Variants in TNR observed in about 807,000 individuals in gnomAD.
The protein encoded by TNR is tenascin-R.
A neutral mutation model predicts 150.4 loss-of-function variants in TNR; 45 were observed. The ratio of observed to expected loss-of-function variants is 0.30; its 90% CI spans 0.24 to 0.38. TNR has a LOEUF of 0.38. Among genes scored for constraint, TNR ranks in the 10% least tolerant of loss-of-function variants. The pLI is 1.00. For missense variants in TNR, 1,544 were observed against 1,759.1 expected, an observed-to-expected ratio of 0.88 and a Z score of 2.19; for synonymous variants, 687 against 678.4, an observed-to-expected ratio of 1.01 and a Z score of -0.20.
intron 1 of TNR, among the ~76,000 whole-genome samples, chr1:175,550,326 C>T (rs558310604): frequency 2.6e-5 from 4 of 152,196 alleles, no homozygotes; most frequent in Non-Finnish European, 5.9e-5. Flanking sequence ...AGCCAAACAA[C>T]TTTCCAACCC....
intron 1 of TNR, among the ~76,000 whole-genome samples, chr1:175,612,189 C>T (rs988447866): frequency 1.3e-5 from 2 of 152,150 alleles, no homozygotes; most frequent in African/African-American, 4.8e-5. Flanking sequence ...TCCACAGTCA[C>T]TCAGAGCACC....
chr1:175,473,055 A>G (rs1204027053), intron 2 of TNR, among the ~76,000 whole-genome samples: 2 of 152,220 alleles, frequency 1.3e-5, no homozygotes, highest in African/African-American at 2.4e-5. Flanking sequence ...GTGGTCCAGG[A>G]AGAAATGGCT....
chr1:175,650,770 C>CCCACCTCATTACTACCCCAT (rs1237094847), intron 1 of TNR, among the ~76,000 whole-genome samples: 8 of 29,698 alleles, frequency 2.7e-4, no homozygotes, highest in Non-Finnish European at 4.3e-4. Flanking sequence ...ACTCCTCCTC[C>CCCACCTCATTACTACCCCAT]CCGACCTCAT....
At chr1:175,696,298 T>C (rs1336347541) in intron 1 of TNR, among the ~76,000 whole-genome samples, 1 of 139,458 alleles carries the variant, frequency 7.2e-6, no homozygotes, top group Non-Finnish European at 1.5e-5. Context: ...CCCCCACAGG[T>C]AAATGGGCGG....
intron 2 of TNR, among the ~76,000 whole-genome samples, chr1:175,521,086 G>A (rs1320043809): frequency 6.6e-6 from 1 of 152,142 alleles, no homozygotes; most frequent in Admixed American, 6.5e-5. Flanking sequence ...TTAAAATTGG[G>A]GTGGGGATGA....
intron 1 of TNR, among the ~76,000 whole-genome samples, chr1:175,557,343 T>G (rs1425752689): frequency 6.6e-6 from 1 of 152,228 alleles, no homozygotes; most frequent in Non-Finnish European, 1.5e-5. Flanking sequence ...TTTGTGATAA[T>G]ATTACTCACA....
intron 8 of TNR, among the ~76,000 whole-genome samples, chr1:175,382,431 C>G (rs1652724596): frequency 6.6e-6 from 1 of 152,194 alleles, no homozygotes; most frequent in Non-Finnish European, 1.5e-5. Context: ...CAGCCAGATT[C>G]TTGGCTGAGG....
intron 18 of TNR, among the ~76,000 whole-genome samples, chr1:175,343,630 C>A (rs1241744199): frequency 2.6e-5 from 4 of 152,184 alleles, no homozygotes; most frequent in African/African-American, 9.7e-5. Flanking sequence ...ACAGTATAAT[C>A]ATCTGGCTCT....
At chr1:175,685,372 C>T (rs1666157965) in intron 1 of TNR, among the ~76,000 whole-genome samples, 1 of 152,198 alleles carries the variant, frequency 6.6e-6, no homozygotes, top group Non-Finnish European at 1.5e-5. Context: ...TTCACATATT[C>T]AAACAATACT....
chr1:175,393,337 A>G (rs1171244983), intron 6 of TNR, among the ~76,000 whole-genome samples: 1 of 152,246 alleles, frequency 6.6e-6, no homozygotes, highest in Non-Finnish European at 1.5e-5. Flanking sequence ...GATTGATGCC[A>G]TGCAAGCTGA....
rs181173905 is a variant in TNR, at chr1:175,356,436, C to T, written c.3001G>A (p.Gly1001Arg). 47 of 1,613,818 alleles carry T rather than the reference C, an allele frequency of 2.9e-5. No individual in the cohort carries two copies. In the East Asian group the frequency reaches 7.6e-4, roughly 26 times the overall value. Residue 1001 changes from glycine (G) to arginine (R), a missense_variant, in exon 16 of 23, where the codon GGA becomes AGA. Around this residue, in one of 2 missense-constraint regions of TNR, gnomAD observed 1,254 missense variants for 1,329.4 expected, o/e 0.94. Transcript: ENST00000367674. Reference sequence around the variant, plus strand: ...ACAAGCCGAAATTCCTCACTGACTCCGTCAACAAGGATGGTCTCTCCAGCG... The same window carrying T: ...ACAAGCCGAAATTCCTCACTGACTCTGTCAACAAGGATGGTCTCTCCAGCG... The part of the protein sequence containing the change: ...AVAGETILVD[G>R]VSEEFRLVDL...
chr1:175,406,015 C>T (rs957943661), intron 3 of TNR, among the ~76,000 whole-genome samples: 10 of 152,176 alleles, frequency 6.6e-5, no homozygotes, highest in Admixed American at 1.3e-4. Flanking sequence ...CGGGGAAGAA[C>T]TGCATTTAGA....
intron 1 of TNR, among the ~76,000 whole-genome samples, chr1:175,535,965 T>C (rs1249091176): frequency 6.6e-6 from 1 of 152,162 alleles, no homozygotes; most frequent in Non-Finnish European, 1.5e-5. Context: ...CCAATAGAAA[T>C]CACAGATATT....
intron 2 of TNR, among the ~76,000 whole-genome samples, chr1:175,490,375 G>T (rs1658193570): frequency 6.6e-6 from 1 of 152,178 alleles, no homozygotes; most frequent in African/African-American, 2.4e-5. Context: ...TGACAAATGG[G>T]ATCTAAGTAA....
chr1:175,381,718 A>T (rs1652688603), intron 8 of TNR, among the ~76,000 whole-genome samples: 1 of 152,196 alleles, frequency 6.6e-6, no homozygotes, highest in African/African-American at 2.4e-5. Context: ...GAGACTATGG[A>T]ATAGACATAT....
At chr1:175,638,106 G>T (rs987710164) in intron 1 of TNR, among the ~76,000 whole-genome samples, 1 of 152,154 alleles carries the variant, frequency 6.6e-6, no homozygotes, top group African/African-American at 2.4e-5. Context: ...TCAGGCTCTT[G>T]TGGAGCAGGA....
chr1:175,705,417 T>C (rs888328614), intron 1 of TNR, among the ~76,000 whole-genome samples: 35 of 152,188 alleles, frequency 2.3e-4, no homozygotes, highest in Admixed American at 1.2e-3. Context: ...CTAAGGCTTA[T>C]GAAATTAAAT....
intron 2 of TNR, among the ~76,000 whole-genome samples, chr1:175,505,435 C>T (rs1036976528): frequency 1.5e-4 from 23 of 152,228 alleles, no homozygotes; most frequent in Admixed American, 1.2e-3. Flanking sequence ...CCTCCGTTCC[C>T]CGGGGACGCA....
At chr1:175,663,358 G>A (rs1322272359) in intron 1 of TNR, among the ~76,000 whole-genome samples, 1 of 152,212 alleles carries the variant, frequency 6.6e-6, no homozygotes, top group Non-Finnish European at 1.5e-5. Flanking sequence ...TTTAGGAGCA[G>A]GGGGAAAACA....
Sources: gnomAD v4.1 joint callset for allele counts (sites outside exome capture counted in the v4.1 genomes callset) on GRCh38, gnomAD v4.1.1 for gene constraint, gnomAD v4.1.1 regional missense constraint, MANE v1.5 for transcripts, NCBI Gene and HGNC (gene_info 2026-07-23, HGNC 2026-07-21) for gene names.